CERS4: variants seen among roughly 807,000 people sequenced by gnomAD.
CERS4 encodes the protein LAG1 homolog, ceramide synthase 4.
A neutral mutation model predicts 51.8 loss-of-function variants in CERS4; 65 were observed. That is an observed-to-expected ratio of 1.26 (90% CI 1.03 to 1.54). The LOEUF (loss-of-function observed/expected upper bound fraction) is 1.54. Among genes scored for constraint, CERS4 ranks in the 40% most tolerant of loss-of-function variants. The pLI, the probability that CERS4 is intolerant of heterozygous loss-of-function variation, is 0.00. For missense variants in CERS4, 563 were observed against 500.4 expected, an observed-to-expected ratio of 1.13 and a Z score of -1.19; for synonymous variants, 228 against 208.4, an observed-to-expected ratio of 1.09 and a Z score of -0.81.
chr19:8,231,127 T>C (rs994573025), intron 2 of CERS4, among the ~76,000 whole-genome samples: 1 of 152,104 alleles, frequency 6.6e-6, no homozygotes, highest in African/African-American at 2.4e-5. Context: ...ACATAATAGC[T>C]GCCTCAAACA....
At chr19:8,220,829 GT>G (rs561405432) in intron 2 of CERS4, among the ~76,000 whole-genome samples, 5 of 133,432 alleles carry the variant, frequency 3.7e-5, no homozygotes, top group Non-Finnish European at 6.6e-5. Flanking sequence ...TTTTTTTTTT[GT>G]TTTTTTTTTG....
intron 2 of CERS4, among the ~76,000 whole-genome samples, chr19:8,231,741 A>C (rs1297095740): frequency 2.0e-5 from 3 of 151,504 alleles, no homozygotes; most frequent in Admixed American, 6.6e-5. Flanking sequence ...TTTAGTAAAG[A>C]CAGGGTTTCA....
intron 2 of CERS4, 140 bp from the exon 3 acceptor site, chr19:8,250,936 T>C (rs1397018439): frequency 2.7e-6 from 4 of 1,460,680 alleles, no homozygotes; most frequent in South Asian, 1.5e-5. Flanking sequence ...GGGAGTTCCA[T>C]CTTCCAGTCC....
At chr19:8,226,515 G>A (rs991410660) in intron 2 of CERS4, among the ~76,000 whole-genome samples, 1 of 152,286 alleles carries the variant, frequency 6.6e-6, no homozygotes, top group Middle Eastern at 3.4e-3. Flanking sequence ...CAGGTTGAGT[G>A]AAGGAAGGAT....
intron 2 of CERS4, among the ~76,000 whole-genome samples, chr19:8,244,321 A>C (rs56179321): frequency 0.015 from 2,322 of 152,328 alleles, 50 homozygotes; most frequent in African/African-American, 0.053. Context: ...GCACCGCTGC[A>C]TTCCAGCCTG....
At chr19:8,242,791 A>G (rs2145253614) in intron 2 of CERS4, among the ~76,000 whole-genome samples, 1 of 152,182 alleles carries the variant, frequency 6.6e-6, no homozygotes, top group East Asian at 1.9e-4. Context: ...GTCTGGTGGG[A>G]GCAGAGTATC....
At chr19:8,253,382 C>T (rs944466909) in intron 3 of CERS4, among the ~76,000 whole-genome samples, 11 of 150,784 alleles carry the variant, frequency 7.3e-5, no homozygotes, top group Admixed American at 5.3e-4. Context: ...TGGGATTGGG[C>T]AAAGGTACCT....
At chr19:8,244,210 G>A (rs982299293) in intron 2 of CERS4, among the ~76,000 whole-genome samples, 9 of 152,200 alleles carry the variant, frequency 5.9e-5, no homozygotes, top group African/African-American at 1.9e-4. Context: ...GCAGGAAATG[G>A]CTGGGTGTGG....
chr19:8,250,869 G>A, intron 2 of CERS4: 3 of 1,393,818 alleles, frequency 2.2e-6, no homozygotes, highest in East Asian at 2.8e-5. Flanking sequence ...TGGGAGTGAT[G>A]AGAATGAAGT....
At chr19:8,229,294 C>G (rs1234601702) in intron 2 of CERS4, among the ~76,000 whole-genome samples, 3 of 152,184 alleles carry the variant, frequency 2.0e-5, no homozygotes, top group African/African-American at 7.2e-5. Context: ...AAACACAAGA[C>G]AGGTTCACTG....
At position 8,262,289 on chromosome 19, in the gene CERS4, T is replaced by A; in HGVS notation, c.*180T>A. The A allele has an allele frequency of 1.8e-6, 1 of 562,322 alleles. No homozygotes were observed. The highest frequency in any genetic ancestry group is 2.8e-6 in the Non-Finnish European group (1 of 359,556). The allele number at this position is 562,322 out of a possible 1,614,324, so 34.8% of individuals were successfully genotyped here. ...CTTCTGCCCACCCACCCTTCTTCCC[T>A]CTGGGCAACTGGACAGATCTGGGAG... On this transcript the variant is annotated 3_prime_UTR_variant, in exon 12 of 12. Transcript: ENST00000251363.
At chr19:8,230,823 C>T (rs1967976386) in intron 2 of CERS4, among the ~76,000 whole-genome samples, 2 of 151,824 alleles carry the variant, frequency 1.3e-5, no homozygotes, top group Admixed American at 1.3e-4. Context: ...TTATAATTTC[C>T]ATTTGTTTTT....
At chr19:8,234,699 A>C (rs1167350369) in intron 2 of CERS4, among the ~76,000 whole-genome samples, 1 of 148,088 alleles carries the variant, frequency 6.8e-6, no homozygotes, top group Non-Finnish European at 1.5e-5. Context: ...GATTACAGGC[A>C]CGCATCACTA....
rs907237206 is a variant in CERS4 at position 8,257,171 on chromosome 19, G to A, written c.741+94G>A. ...GGTCCCATTCCTCCCAACCTTCCTG[G>A]GAGATGGAGCCCCACCCCTCCTGTC... On this transcript the variant is annotated intron_variant, in intron 9 of 11. Coordinates refer to ENST00000251363, the MANE Select transcript of CERS4 (RefSeq NM_024552.3). 8 of 1,350,484 alleles carry A rather than the reference G, an allele frequency of 5.9e-6. No homozygotes were observed. In the African/African-American group the frequency reaches 1.2e-4, roughly 20 times the overall value. 83.7% of individuals were successfully genotyped at this position (1,350,484 alleles called of 1,614,324 possible).
chr19:8,244,324 C>T (rs751780257), intron 2 of CERS4, among the ~76,000 whole-genome samples: 5 of 152,204 alleles, frequency 3.3e-5, no homozygotes, highest in Non-Finnish European at 5.9e-5. Flanking sequence ...CCGCTGCATT[C>T]CAGCCTGGAA....
intron 3 of CERS4, 105 bp from the exon 4 acceptor site, chr19:8,254,394 G>T: frequency 1.3e-5 from 11 of 819,496 alleles, no homozygotes; most frequent in South Asian, 3.2e-5. Flanking sequence ...CTGTAACTTT[G>T]CCCCTCCGAG....
chr19:8,218,903 G>A (rs1967414539), intron 2 of CERS4, among the ~76,000 whole-genome samples: 1 of 152,162 alleles, frequency 6.6e-6, no homozygotes, highest in Admixed American at 6.6e-5. Flanking sequence ...CTGGGTGGAT[G>A]GGTATCAAGA....
intron 2 of CERS4, among the ~76,000 whole-genome samples, chr19:8,249,968 C>T (rs978871873): frequency 2.6e-5 from 4 of 151,710 alleles, no homozygotes; most frequent in Admixed American, 2.0e-4. Flanking sequence ...CCTTCCTGGA[C>T]GTTTGAGGAC....
At chr19:8,229,426 T>C (rs1053926070) in intron 2 of CERS4, among the ~76,000 whole-genome samples, 5 of 140,932 alleles carry the variant, frequency 3.5e-5, no homozygotes, top group Admixed American at 3.4e-4. Flanking sequence ...TTTTTCTTCT[T>C]CTTCTTCTTC....
Sources: allele counts gnomAD v4.1 joint callset (sites outside exome capture counted in the v4.1 genomes callset), GRCh38; gene constraint gnomAD v4.1.1; transcripts MANE v1.5; gene names NCBI Gene and HGNC (gene_info 2026-07-23, HGNC 2026-07-21).